Variants in USP36 observed in about 807,000 individuals in gnomAD.
The protein encoded by USP36 is ubiquitin specific peptidase 36, also known as ubiquitin carboxyl-terminal hydrolase 36.
A neutral mutation model predicts 111.5 loss-of-function variants in USP36; 59 were observed. That is an observed-to-expected ratio of 0.53 (90% CI 0.43 to 0.66). USP36 has a LOEUF of 0.66. Among genes scored for constraint, USP36 ranks in the 30% least tolerant of loss-of-function variants. The pLI is 0.00. For synonymous variants in USP36, 628 were observed against 581.0 expected (o/e 1.08, Z -1.16); for missense variants, 1,488 against 1,468.0 (o/e 1.01, Z -0.22).
intron 6 of USP36, among the ~76,000 whole-genome samples, chr17:78,824,440 G>C (rs1040092150): frequency 6.6e-6 from 1 of 152,192 alleles, no homozygotes; most frequent in Non-Finnish European, 1.5e-5. Context: ...TGCAGTTCCA[G>C]TTACTGGGCA....
intron 12 of USP36, 79 bp from the exon 13 acceptor site, chr17:78,813,080 G>A (rs1316382640): frequency 1.8e-5 from 29 of 1,571,962 alleles, no homozygotes; most frequent in Admixed American, 7.0e-5. Context: ...AAGTTAAGGC[G>A]GGGCAAAGGC....
At chr17:78,835,750 T>G (rs2068604892) in intron 3 of USP36, among the ~76,000 whole-genome samples, 1 of 151,972 alleles carries the variant, frequency 6.6e-6, no homozygotes, top group Non-Finnish European at 1.5e-5. Context: ...AGGACACAGC[T>G]CAGAGACTGA....
At chr17:78,832,388 A>G (rs1330860953) in intron 4 of USP36, among the ~76,000 whole-genome samples, 2 of 152,202 alleles carry the variant, frequency 1.3e-5, no homozygotes, top group African/African-American at 4.8e-5. Context: ...AGTGGGGTGC[A>G]GGAAAAAAAG....
chr17:78,820,905 T>C, intron 8 of USP36, 86 bp downstream of exon 8: 1 of 1,401,130 alleles, frequency 7.1e-7, no homozygotes, highest in Non-Finnish European at 9.9e-7. Flanking sequence ...TATTTTGATC[T>C]GATGCCTTTA....
chr17:78,806,042 C>T, intron 15 of USP36, 114 bp downstream of exon 15: 2 of 1,560,456 alleles, frequency 1.3e-6, no homozygotes, highest in Non-Finnish European at 1.7e-6. Flanking sequence ...CTGGCTGCCC[C>T]AATGCTTTGT....
intron 8 of USP36, among the ~76,000 whole-genome samples, chr17:78,820,484 G>C (rs552940554): frequency 1.3e-5 from 2 of 152,208 alleles, no homozygotes; most frequent in East Asian, 3.9e-4. Flanking sequence ...TAAAAAAAAA[G>C]CAAAGCAAAG....
At chr17:78,789,951 C>T (rs1487671318) in intron 3 of USP36, among the ~76,000 whole-genome samples, 3 of 152,220 alleles carry the variant, frequency 2.0e-5, no homozygotes, top group African/African-American at 2.4e-5. Context: ...GAGCAGGGTC[C>T]GAATGCAGTC....
chr17:78,827,505 C>T (rs2067671468), intron 5 of USP36, among the ~76,000 whole-genome samples, 158 bp from the exon 6 acceptor site: 1 of 152,198 alleles, frequency 6.6e-6, no homozygotes, highest in South Asian at 2.1e-4. Flanking sequence ...CATGGATTTT[C>T]TATATCCCAA....
At chr17:78,835,881 C>G (rs925894966) in intron 3 of USP36, 1 of 646,390 alleles carries the variant, frequency 1.5e-6, no homozygotes. Flanking sequence ...GATAGGGGGA[C>G]AGCAAGTCCA....
intron 16 of USP36, 47 bp from the exon 17 acceptor site, chr17:78,802,582 G>A (rs564707284): frequency 6.5e-6 from 10 of 1,546,454 alleles, no homozygotes; most frequent in African/African-American, 1.4e-5. Context: ...AAATTGGAAG[G>A]GGAGCAGGAG....
chr17:78,792,310 G>A (rs577225461), downstream of USP36, among the ~76,000 whole-genome samples: 355 of 152,074 alleles, frequency 2.3e-3, 3 homozygotes, highest in Non-Finnish European at 3.9e-3. Flanking sequence ...AATTAATGGA[G>A]CAAGGTCCCC....
intron 13 of USP36, among the ~76,000 whole-genome samples, chr17:78,811,874 A>G (rs1599019963): frequency 6.6e-6 from 1 of 151,962 alleles, no homozygotes; most frequent in Non-Finnish European, 1.5e-5. Flanking sequence ...TCTCAAAGAA[A>G]AAAAAAAAAG....
chr17:78,839,993 G>C (rs947054087), intron 1 of USP36, among the ~76,000 whole-genome samples: 2 of 152,224 alleles, frequency 1.3e-5, no homozygotes, highest in African/African-American at 4.8e-5. Context: ...CGCTCGCAGG[G>C]TCAACCACGT....
Position 78,805,947 on chromosome 17 carries a change from G to A in USP36, c.2216+209C>T, listed in dbSNP as rs139098305. ...CTAAGACATCAGGACTGCAGAGGCCGAACTGCCTTCACCACCCAAAGCTCC... is the reference window on the plus strand; with the variant it reads ...CTAAGACATCAGGACTGCAGAGGCCAAACTGCCTTCACCACCCAAAGCTCC... On this transcript the variant is annotated intron_variant, in intron 15 of 20. Coordinates refer to ENST00000449938, the MANE Select transcript of USP36 (RefSeq NM_001385174.1). Among the ~76,000 whole-genome samples, 309 of 152,286 alleles carry A rather than the reference G, an allele frequency of 2.0e-3. 5 individuals carry two copies. The highest frequency in any genetic ancestry group is 0.016 in the Admixed American group (243 of 15,296).
chr17:78,807,342 T>C lies in USP36; in HGVS notation c.1702A>G (p.Arg568Gly). 1 of 1,614,218 alleles carries C rather than the reference T, an allele frequency of 6.2e-7. No individual in the cohort carries two copies. The highest frequency in any genetic ancestry group is 8.5e-7 in the Non-Finnish European group (1 of 1,180,024). ...NSNSSRSGSQ[R>G]QGSWDSRDVV... The stretch of plus-strand genomic sequence containing the variant: ...TCCCTGCTGTCCCAGGAGCCCTGCC[T>C]TTGGCTCCCAGATCTGCTGCTATTC... The change falls in exon 14 of 21, where the codon AGG (arginine) becomes GGG (glycine). Residue 568 changes from arginine (R) to glycine (G), a missense_variant. Transcript: ENST00000449938.
intron 6 of USP36, among the ~76,000 whole-genome samples, chr17:78,822,492 C>T (rs539276256): frequency 6.6e-6 from 1 of 151,810 alleles, no homozygotes; most frequent in East Asian, 1.9e-4. Context: ...AACAAAGGCA[C>T]AAACAGGACC....
rs143366003 is a variant in USP36 at position 78,832,723 on chromosome 17, C to T, written c.475+2557G>A. On this transcript the variant is annotated intron_variant, in intron 4 of 20. Transcript: ENST00000449938. ...AAGAGCCCTGACAGGCCTGGGATAG[C>T]AGAGTCTTACTGCCAAAACCATGAG... Among the ~76,000 whole-genome samples, 114 of 152,296 alleles carry T rather than the reference C, an allele frequency of 7.5e-4. 1 individual carries two copies. The highest frequency in any genetic ancestry group is 1.4e-3 in the Admixed American group (22 of 15,294).
Position 78,803,885 on chromosome 17 carries a change from C to T in USP36, c.2310G>A (p.Gly770=), listed in dbSNP as rs759184067. The T allele has an allele frequency of 1.2e-6, 2 of 1,611,086 alleles. No individual in the cohort carries two copies. Among genetic ancestry groups the T allele is most frequent in the South Asian group, 2.2e-5 (2 of 90,968 alleles). Residue 770 remains glycine (G), a synonymous_variant, in exon 16 of 21, where the codon GGG becomes GGA. Coordinates refer to ENST00000449938, the MANE Select transcript of USP36 (RefSeq NM_001385174.1). The surrounding 1 kb of genome is among the most constrained non-coding windows in gnomAD (Gnocchi z 4.6). ...AGGAGCAGCTCCGTGGTTCTGACGT[C>T]CCTGGGGGCTTGGGGGTACTGGACA... ...TLLSSTPKPP[G]TSEPRSCSSI...
In USP36 at chr17:78,812,938, G is replaced by C. The variant is rs75321857; in HGVS notation, c.1329C>G (p.Pro443=). 6.2e-7 allele frequency: 1 copy of C among 1,614,032 alleles called. No individual in the cohort carries two copies. Among genetic ancestry groups the C allele is most frequent in the Non-Finnish European group, 8.5e-7 (1 of 1,180,018 alleles). ...GATCTGGAATCACACTCGGGCGGCC[G>C]GGAAGGGAGGAGGAGCCTGTCCTGG... ...LISRTGSSSL[P]GRPSVIPDHS... The change falls in exon 13 of 21, where the codon CCC becomes CCG. Residue 443 remains proline (P), a synonymous_variant. Transcript: ENST00000449938.
Sources: allele counts gnomAD v4.1 joint callset (sites outside exome capture counted in the v4.1 genomes callset), GRCh38; gene constraint gnomAD v4.1.1; non-coding constraint Gnocchi (gnomAD v3.1); transcripts MANE v1.5; gene names NCBI Gene and HGNC (gene_info 2026-07-23, HGNC 2026-07-21).